Variants in FUT8 observed in about 807,000 individuals in gnomAD.
FUT8 encodes alpha-(1,6)-fucosyltransferase.
FUT8 carries 29 observed loss-of-function variants against 71.3 expected under a neutral mutation model. That is an observed-to-expected ratio of 0.41 (90% confidence interval 0.30 to 0.55). The LOEUF is 0.55. Ranked by LOEUF, FUT8 falls within the 20% of genes least tolerant of loss-of-function variation. The probability of loss-of-function intolerance (pLI) is 0.34; values close to 1 mark genes in which losing one functional copy is unlikely to be tolerated. For missense variants in FUT8, 544 were observed against 702.1 expected, an observed-to-expected ratio of 0.77 and a Z score of 2.55; for synonymous variants, 254 against 239.3, an observed-to-expected ratio of 1.06 and a Z score of -0.57.
At chr14:65,704,625 T>A (rs1013680148) in intron 7 of FUT8, among the ~76,000 whole-genome samples, 13 of 152,352 alleles carry the variant, frequency 8.5e-5, no homozygotes, top group Admixed American at 6.5e-5. Context: ...TCAAAGAGAC[T>A]GTTGGCAGTA....
At chr14:65,615,268 C>T (rs1889221915) in intron 3 of FUT8, among the ~76,000 whole-genome samples, 1 of 151,916 alleles carries the variant, frequency 6.6e-6, no homozygotes, top group Admixed American at 6.6e-5. Flanking sequence ...ACCATGTGCC[C>T]AGCTAATGTT....
chr14:65,677,181 T>TGC (rs1175015382), intron 7 of FUT8, among the ~76,000 whole-genome samples: 1 of 127,912 alleles, frequency 7.8e-6, no homozygotes, highest in East Asian at 2.7e-4. Context: ...CACGTATGTG[T>TGC]GTGCGCATGT....
intron 2 of FUT8, among the ~76,000 whole-genome samples, chr14:65,495,396 T>C (rs2066543846): frequency 6.6e-6 from 1 of 152,174 alleles, no homozygotes; most frequent in African/African-American, 2.4e-5. Flanking sequence ...GCAGGAGCAC[T>C]CTGGTGAATC....
chr14:65,462,281 A>G (rs2065979820), intron 2 of FUT8, among the ~76,000 whole-genome samples: 1 of 152,246 alleles, frequency 6.6e-6, no homozygotes, highest in African/African-American at 2.4e-5. Flanking sequence ...TGAAGACATT[A>G]GGTAAACATG....
chr14:65,474,441 G>GAACAAAAAAAAAAAAAAAAA (rs2066199714), intron 2 of FUT8, among the ~76,000 whole-genome samples: 1 of 39,698 alleles, frequency 2.5e-5, no homozygotes, highest in South Asian at 1.4e-3. Flanking sequence ...TGTCTCTACT[G>GAACAAAAAAAAAAAAAAAAA]AAAAAAAAAA....
chr14:65,430,785 G>T (rs536358403), intron 1 of FUT8, among the ~76,000 whole-genome samples: 1 of 152,024 alleles, frequency 6.6e-6, no homozygotes, highest in Admixed American at 6.6e-5. Context: ...AAAAGTAGAC[G>T]TACAGAACAT....
At chr14:65,577,538 C>T (rs773082490) in intron 3 of FUT8, among the ~76,000 whole-genome samples, 194 of 152,172 alleles carry the variant, frequency 1.3e-3, no homozygotes, top group Non-Finnish European at 1.8e-3. Context: ...CCTCAATAAA[C>T]AGATTTTTAG....
At chr14:65,571,250 G>A (rs1886458879) in intron 3 of FUT8, among the ~76,000 whole-genome samples, 1 of 152,126 alleles carries the variant, frequency 6.6e-6, no homozygotes, top group South Asian at 2.1e-4. Context: ...ATTTAGGTAG[G>A]TTGAACTTGA....
Position 65,548,868 on chromosome 14 carries a change from A to G in FUT8, c.-227-12469A>G, listed in dbSNP as rs902541161. ...TATGTTCAGAATATATAAAGAACTCAAGTCTCAGCAGTAAGAAAACAAGCA... is the reference window on the plus strand; with the variant it reads ...TATGTTCAGAATATATAAAGAACTCGAGTCTCAGCAGTAAGAAAACAAGCA... On this transcript the variant is annotated intron_variant, in intron 2 of 10. Coordinates refer to ENST00000673929, the MANE Select transcript of FUT8 (RefSeq NM_001371533.1). Among the ~76,000 whole-genome samples the G allele has an allele frequency of 1.3e-4, 20 of 152,192 alleles. No individual in the cohort carries two copies. In the South Asian group the frequency reaches 3.9e-3, roughly 30 times the overall value.
At chr14:65,363,310 T>C in the FUT8 span, among the ~76,000 whole-genome samples, 1 of 47,784 alleles carries the variant, frequency 2.1e-5, no homozygotes, top group African/African-American at 4.0e-5. Context: ...TTAGTAGAGA[T>C]GGGGTTTCAC....
chr14:65,577,273 A>C (rs1886841304), intron 3 of FUT8, among the ~76,000 whole-genome samples: 1 of 152,120 alleles, frequency 6.6e-6, no homozygotes, highest in Non-Finnish European at 1.5e-5. Flanking sequence ...TTAGTGCTGA[A>C]GTGGCTCTTA....
chr14:65,620,487 C>CT (rs1889548417), intron 5 of FUT8, among the ~76,000 whole-genome samples: 1 of 152,132 alleles, frequency 6.6e-6, no homozygotes, highest in Non-Finnish European at 1.5e-5. Flanking sequence ...AAGGGGTACA[C>CT]TGGGAAAGAT....
Position 65,526,797 on chromosome 14 carries a change from G to T in FUT8, c.-227-34540G>T, listed in dbSNP as rs56024924. On this transcript the variant is annotated intron_variant, in intron 2 of 10. Coordinates refer to ENST00000673929, the MANE Select transcript of FUT8 (RefSeq NM_001371533.1). The stretch of plus-strand genomic sequence containing the variant: ...TCTCAGCATTTGCTTGTCTGTAAAG[G>T]ATTTTATTTCTCCTTCACTTATGAA... Among the ~76,000 whole-genome samples, 1,199 of 152,190 alleles carry T rather than the reference G, an allele frequency of 7.9e-3. 9 individuals are homozygous for T. Among genetic ancestry groups the T allele is most frequent in the African/African-American group, 0.024 (998 of 41,514 alleles).
At chr14:65,425,481 T>G (rs892739275) in intron 1 of FUT8, among the ~76,000 whole-genome samples, 2 of 151,866 alleles carry the variant, frequency 1.3e-5, no homozygotes, top group African/African-American at 4.8e-5. Context: ...TTTTTTTTTT[T>G]TTTTTTTAAA....
chr14:65,697,630 C>T (rs559624663), intron 7 of FUT8, among the ~76,000 whole-genome samples: 3 of 152,256 alleles, frequency 2.0e-5, no homozygotes, highest in South Asian at 2.1e-4. Flanking sequence ...GTAATCATCA[C>T]AAACAGCTAT....
intron 2 of FUT8, among the ~76,000 whole-genome samples, chr14:65,519,499 G>C (rs891038902): frequency 6.6e-6 from 1 of 152,094 alleles, no homozygotes; most frequent in Non-Finnish European, 1.5e-5. Flanking sequence ...TAAGTTTTTC[G>C]CTGATCTTTG....
chr14:65,449,992 A>G (rs1020977858), intron 1 of FUT8, among the ~76,000 whole-genome samples: 2 of 152,186 alleles, frequency 1.3e-5, no homozygotes, highest in Non-Finnish European at 2.9e-5. Flanking sequence ...TTCACCACTG[A>G]TAGAGTTAAT....
At chr14:65,512,860 A>C (rs1028164595) in intron 2 of FUT8, among the ~76,000 whole-genome samples, 4 of 148,996 alleles carry the variant, frequency 2.7e-5, no homozygotes, top group Admixed American at 6.8e-5. Flanking sequence ...GTGAGCCGAC[A>C]TCACGCCACT....
At chr14:65,681,990 T>TA (rs937212064) in intron 7 of FUT8, among the ~76,000 whole-genome samples, 6 of 152,032 alleles carry the variant, frequency 3.9e-5, no homozygotes, top group African/African-American at 1.4e-4. Flanking sequence ...CAGGTTGTTT[T>TA]AAAAAAAAGA....
Sources: gnomAD v4.1 joint callset for allele counts (sites outside exome capture counted in the v4.1 genomes callset) on GRCh38, gnomAD v4.1.1 for gene constraint, MANE v1.5 for transcripts, NCBI Gene and HGNC (gene_info 2026-07-23, HGNC 2026-07-21) for gene names.